The following CHD7 variants were observed in gnomAD, a reference collection of about 807,000 sequenced individuals.
CHD7 encodes the protein ATP-dependent chromatin remodeler CHD7.
In CHD7, 24 loss-of-function variants were observed where a neutral mutation model predicts 307.3. The ratio of observed to expected loss-of-function variants is 0.08; its 90% CI spans 0.06 to 0.11. CHD7 has a LOEUF of 0.11. Ranked by LOEUF, CHD7 falls within the 10% of genes least tolerant of loss-of-function variation. CHD7 has a pLI of 1.00. For synonymous variants in CHD7, 1,363 were observed against 1,349.9 expected, an observed-to-expected ratio of 1.01 and a Z score of -0.21; for missense variants, 3,106 against 3,727.1, an observed-to-expected ratio of 0.83 and a Z score of 4.34.
rs773859400 is a variant in CHD7, at chr8:60,852,973, C to T, written c.6248C>T (p.Pro2083Leu). 9.7e-5 allele frequency: 157 copies of T among 1,613,870 alleles called. No homozygotes were observed. Among genetic ancestry groups the T allele is most frequent in the Non-Finnish European group, 1.3e-4 (154 of 1,179,908 alleles). ...GGAGAGAGGCTTAAGCTCTGCCAGCCAAGCTTGGATCTGCCAGAGTGGTGG... is the reference window on the plus strand; with the variant it reads ...GGAGAGAGGCTTAAGCTCTGCCAGCTAAGCTTGGATCTGCCAGAGTGGTGG... ...QLGERLKLCQ[P>L]SLDLPEWWEC... is the part of the protein sequence containing the mutation. Residue 2083 changes from proline to leucine, a missense_variant, in exon 31 of 38, where the codon CCA becomes CTA. This residue lies in a region of CHD7 where 1,030 missense variants were observed against 1,165.4 expected (regional missense o/e 0.88). Coordinates refer to ENST00000423902, the MANE Select transcript of CHD7 (RefSeq NM_017780.4).
intron 16 of CHD7, 86 bp from the exon 17 acceptor site, chr8:60,836,730 CA>C: frequency 2.2e-6 from 2 of 925,410 alleles, no homozygotes; most frequent in Non-Finnish European, 3.3e-6. Context: ...ATATATATTC[CA>C]TATTGTAATA....
At chr8:60,810,024 G>C (rs530221498) in intron 7 of CHD7, among the ~76,000 whole-genome samples, 1 of 152,276 alleles carries the variant, frequency 6.6e-6, no homozygotes, top group East Asian at 1.9e-4. Context: ...CGGACTTGTG[G>C]CTTCTCATTT....
intron 2 of CHD7, among the ~76,000 whole-genome samples, chr8:60,772,208 A>T (rs879359150): frequency 1.3e-5 from 2 of 152,152 alleles, no homozygotes; most frequent in Admixed American, 6.5e-5. Context: ...TAACTTTATC[A>T]CTATGCTCCT....
At position 60,744,220 on chromosome 8, in the gene CHD7, C is replaced by T. The variant is rs529890139; in HGVS notation, c.1665+1123C>T. Among the ~76,000 whole-genome samples the T allele has an allele frequency of 1.2e-3, 189 of 152,262 alleles. 2 individuals carry two copies. The highest frequency in any genetic ancestry group is 2.3e-3 in the Non-Finnish European group (158 of 68,026). ...CTGCAGGGAATAGGTTGGAAAGTATCAGTCAGGGCCAGATTGTTGTGATCT... is the reference window on the plus strand; with the variant it reads ...CTGCAGGGAATAGGTTGGAAAGTATTAGTCAGGGCCAGATTGTTGTGATCT... On this transcript the variant is annotated intron_variant, in intron 2 of 37. Coordinates refer to ENST00000423902, the MANE Select transcript of CHD7 (RefSeq NM_017780.4).
At chr8:60,737,392 C>T (rs1808764242) in intron 1 of CHD7, among the ~76,000 whole-genome samples, 2 of 152,138 alleles carry the variant, frequency 1.3e-5, no homozygotes. Flanking sequence ...TCATTCATTT[C>T]TTTCATCTTT....
chr8:60,765,142 C>T (rs1459612762), intron 2 of CHD7, among the ~76,000 whole-genome samples: 3 of 151,992 alleles, frequency 2.0e-5, no homozygotes, highest in Non-Finnish European at 4.4e-5. Context: ...TTTGATATTC[C>T]ACCCGCAGAC....
At chr8:60,825,327 G>A (rs1297640847) in intron 13 of CHD7, 4 of 152,214 alleles carry the variant, frequency 2.6e-5, no homozygotes, top group African/African-American at 9.7e-5. Flanking sequence ...AAAGGAAAAA[G>A]TCTGACTGAA....
chr8:60,778,162 G>A (rs1003597089), intron 2 of CHD7, among the ~76,000 whole-genome samples: 1 of 152,056 alleles, frequency 6.6e-6, no homozygotes, highest in Non-Finnish European at 1.5e-5. Context: ...GGAGCTCCAG[G>A]TTTTTTTCCC....
At chr8:60,837,109 C>A in intron 17 of CHD7, 97 bp downstream of exon 17, 1 of 932,098 alleles carries the variant, frequency 1.1e-6, no homozygotes, top group Non-Finnish European at 1.6e-6. Flanking sequence ...AATGTTGCGT[C>A]GTCACTCAGG....
At chr8:60,761,255 C>T (rs1436794143) in intron 2 of CHD7, among the ~76,000 whole-genome samples, 1 of 147,710 alleles carries the variant, frequency 6.8e-6, no homozygotes, top group Non-Finnish European at 1.5e-5. Context: ...AAAAACCAAA[C>T]ACCGCATATT....
chr8:60,702,403 T>C (rs1209905185), intron 1 of CHD7, among the ~76,000 whole-genome samples: 1 of 152,222 alleles, frequency 6.6e-6, no homozygotes, highest in Non-Finnish European at 1.5e-5. Context: ...ATATAGTTAT[T>C]GTATTCATAT....
At chr8:60,802,551 A>G (rs1812362436) in intron 6 of CHD7, among the ~76,000 whole-genome samples, 1 of 152,212 alleles carries the variant, frequency 6.6e-6, no homozygotes, top group Non-Finnish European at 1.5e-5. Flanking sequence ...ATAATATATA[A>G]TAAAGACATG....
intron 7 of CHD7, chr8:60,809,585 G>T (rs550844252): frequency 6.9e-6 from 1 of 144,876 alleles, no homozygotes; most frequent in East Asian, 2.1e-4. Flanking sequence ...GATGGGCTCC[G>T]AGTTCCTGAC....
At chr8:60,772,228 AT>A (rs993208981) in intron 2 of CHD7, among the ~76,000 whole-genome samples, 3 of 151,978 alleles carry the variant, frequency 2.0e-5, no homozygotes, top group Admixed American at 1.3e-4. Context: ...TTATAAATTG[AT>A]TTTTTTTCCC....
intron 2 of CHD7, among the ~76,000 whole-genome samples, chr8:60,752,060 T>G (rs1036362146): frequency 2.0e-5 from 3 of 152,182 alleles, no homozygotes; most frequent in African/African-American, 7.2e-5. Context: ...TTAAAGTGTA[T>G]TTGTCCTGTT....
In CHD7 at chr8:60,678,797, G is replaced by GGCA. The variant is rs1805405382; in HGVS notation, c.-458_-457insAGC. Reference sequence around the variant, plus strand: ...CGGCGGCGGCGGCGGCGGCAGCGGCGGCGGCGGCGGCGGCGCGGGGGTTGA... The same window carrying GGCA: ...CGGCGGCGGCGGCGGCGGCAGCGGCGGCAGCGGCGGCGGCGGCGCGGGGGTTGA... On this transcript the variant is annotated 5_prime_UTR_variant, in exon 1 of 38. Coordinates refer to ENST00000423902, the MANE Select transcript of CHD7 (RefSeq NM_017780.4). The GGCA allele has an allele frequency of 7.3e-6, 1 of 137,294 alleles. No homozygotes were observed. Among genetic ancestry groups the GGCA allele is most frequent in the Non-Finnish European group, 1.6e-5 (1 of 63,430 alleles). The allele number at this position is 137,294 out of a possible 1,614,324, so 8.5% of individuals were successfully genotyped here. A position where few individuals can be genotyped will look rare whatever the true frequency, so the allele number is the denominator to read the frequency against.
chr8:60,847,457 T>C (rs1041153791), intron 23 of CHD7, among the ~76,000 whole-genome samples: 5 of 152,224 alleles, frequency 3.3e-5, no homozygotes, highest in African/African-American at 1.2e-4. Flanking sequence ...TGCTTCATCA[T>C]AGGGTTATCG....
rs114083268 is a variant in CHD7 at position 60,834,528 on chromosome 8, A to G, written c.3779-1545A>G. Among the ~76,000 whole-genome samples, 983 of 152,342 alleles carry G rather than the reference A, an allele frequency of 6.5e-3. 13 individuals carry two copies. Among genetic ancestry groups the G allele is most frequent in the South Asian group, 0.029 (140 of 4,828 alleles). On this transcript the variant is annotated intron_variant, in intron 15 of 37. Coordinates refer to ENST00000423902, the MANE Select transcript of CHD7 (RefSeq NM_017780.4). ...TTTAAAAAATATTTAACTTTATTCA[A>G]GAACATTCTTGCTAGTGCCCTTAAA...
chr8:60,741,092 TTCTC>T (rs1343042079), intron 1 of CHD7, among the ~76,000 whole-genome samples, 163 bp from the exon 2 acceptor site: 1 of 152,238 alleles, frequency 6.6e-6, no homozygotes, highest in Non-Finnish European at 1.5e-5. Context: ...GCTAATGAGT[TTCTC>T]TTAAAGTGAA....
Sources: gnomAD v4.1 joint callset for allele counts (sites outside exome capture counted in the v4.1 genomes callset) on GRCh38, gnomAD v4.1.1 for gene constraint, gnomAD v4.1.1 regional missense constraint, MANE v1.5 for transcripts, NCBI Gene and HGNC (gene_info 2026-07-23, HGNC 2026-07-21) for gene names.